The following ATF3 variants were observed in gnomAD, a reference collection of about 807,000 sequenced individuals.
ATF3 encodes the protein activating transcription factor 3, also known as cyclic AMP-dependent transcription factor ATF-3.
In ATF3, 10 loss-of-function variants were observed where a neutral mutation model predicts 18.4. The ratio of observed to expected loss-of-function variants is 0.54; its 90% CI spans 0.34 to 0.92. ATF3 has a LOEUF of 0.92. Among genes scored for constraint, ATF3 ranks in the 40% least tolerant of loss-of-function variants. The probability of loss-of-function intolerance (pLI) is 0.02; values close to 1 mark genes in which losing one functional copy is unlikely to be tolerated. For missense variants in ATF3, 183 were observed against 222.3 expected, an observed-to-expected ratio of 0.82 and a Z score of 1.12; for synonymous variants, 78 against 87.9, an observed-to-expected ratio of 0.89 and a Z score of 0.63.
intron 1 of ATF3, among the ~76,000 whole-genome samples, chr1:212,588,822 C>T (rs3106402): frequency 0.99 from 150,125 of 152,260 alleles, 74,017 homozygotes; most frequent in East Asian, 1. Flanking sequence ...TTGGACATTT[C>T]GAATTTTGCT....
intron 1 of ATF3, among the ~76,000 whole-genome samples, chr1:212,575,152 A>G (rs1333322784): frequency 6.6e-6 from 1 of 152,104 alleles, no homozygotes; most frequent in Non-Finnish European, 1.5e-5. Flanking sequence ...TAACATTTTT[A>G]TATTACTGAG....
intron 1 of ATF3, among the ~76,000 whole-genome samples, chr1:212,573,409 G>A (rs1664518928): frequency 6.6e-6 from 1 of 151,740 alleles, no homozygotes; most frequent in South Asian, 2.1e-4. Context: ...TATACTATTG[G>A]ATTTTAAAGA....
intron 1 of ATF3, among the ~76,000 whole-genome samples, chr1:212,578,934 T>C (rs950849513): frequency 2.0e-5 from 3 of 151,670 alleles, no homozygotes; most frequent in African/African-American, 7.3e-5. Context: ...ACCACCAGGC[T>C]GTGTCTGTGT....
chr1:212,571,070 A>G lies in ATF3; in HGVS notation c.-5+5587A>G, dbSNP rs538519923. 3.3e-5 allele frequency among the ~76,000 whole-genome samples: 5 copies of G among 152,348 alleles called. No homozygotes were observed. The South Asian group carries it at 1.0e-3, about 32-fold the overall frequency. Reference sequence around the variant, plus strand: ...TTCTCCAAAGGTGTTATACCATTGTACACTCCCACCAACAATGCATGAGAA... The same window carrying G: ...TTCTCCAAAGGTGTTATACCATTGTGCACTCCCACCAACAATGCATGAGAA... On this transcript the variant is annotated intron_variant, in intron 1 of 3. Transcript: ENST00000366981.
upstream of ATF3, among the ~76,000 whole-genome samples, chr1:212,607,750 C>G (rs1654681371): frequency 6.6e-6 from 1 of 152,242 alleles, no homozygotes; most frequent in African/African-American, 2.4e-5. Context: ...TTCGCGGACC[C>G]CAAAGCACCT....
chr1:212,598,115 C>T (rs1170672974), intron 1 of ATF3, among the ~76,000 whole-genome samples: 6 of 152,190 alleles, frequency 3.9e-5, no homozygotes, highest in South Asian at 2.1e-4. Context: ...TTAACACATC[C>T]GCACTATAGA....
At position 212,619,316 on chromosome 1, in the gene ATF3, C is replaced by A. The variant is rs369897861; in HGVS notation, c.349-42C>A. 1 of 1,612,200 alleles carries A rather than the reference C, an allele frequency of 6.2e-7. No individual in the cohort carries two copies. The highest frequency in any genetic ancestry group is 1.3e-5 in the African/African-American group (1 of 74,878). ...GCCCAGGCCACCCCCTCCTCACTGG[C>A]CCTTGGCTCCTTTCTTGATGCCTCT... On this transcript the variant is annotated intron_variant, in intron 3 of 3. Transcript: ENST00000341491. This position sits in a 1 kb window ranked among gnomAD's most constrained non-coding sequence, Gnocchi z 4.4.
intron 1 of ATF3, among the ~76,000 whole-genome samples, chr1:212,593,978 A>C (rs2102636255): frequency 6.6e-6 from 1 of 152,338 alleles, no homozygotes; most frequent in East Asian, 1.9e-4. Context: ...CCCTATTTCC[A>C]ATTAGTCCTT....
chr1:212,570,914 A>G (rs1003579227), intron 1 of ATF3, among the ~76,000 whole-genome samples: 1 of 152,242 alleles, frequency 6.6e-6, no homozygotes, highest in Non-Finnish European at 1.5e-5. Flanking sequence ...ATGAATAATG[A>G]AACTATGAAC....
chr1:212,594,097 A>G (rs1157756656), intron 1 of ATF3, among the ~76,000 whole-genome samples: 5 of 152,236 alleles, frequency 3.3e-5, no homozygotes, highest in African/African-American at 4.8e-5. Flanking sequence ...CTCCCAGAGC[A>G]TAAGTCTTCC....
intron 1 of ATF3, among the ~76,000 whole-genome samples, chr1:212,579,684 CA>C (rs1268785768): frequency 6.6e-6 from 1 of 152,184 alleles, no homozygotes; most frequent in East Asian, 1.9e-4. Flanking sequence ...GTCACGTAAT[CA>C]CCCTAAATCC....
chr1:212,575,041 T>C (rs984248314), intron 1 of ATF3, among the ~76,000 whole-genome samples: 3 of 152,134 alleles, frequency 2.0e-5, no homozygotes, highest in African/African-American at 7.2e-5. Flanking sequence ...AGATTTTTAA[T>C]ATGAAAATTT....
At chr1:212,583,823 G>A (rs1664729502) in intron 1 of ATF3, among the ~76,000 whole-genome samples, 1 of 152,192 alleles carries the variant, frequency 6.6e-6, no homozygotes, top group Non-Finnish European at 1.5e-5. Context: ...CTGGGCATCA[G>A]TTTCCTTTTT....
chr1:212,620,076 T>C lies in ATF3; in HGVS notation c.*521T>C. On this transcript the variant is annotated 3_prime_UTR_variant, in exon 4 of 4. Transcript: ENST00000341491. ...TTGTGTGTGCAAGAAAACTAGGCAA[T>C]GTACTCTTCCGATGTTTGTGTCACA... The C allele has an allele frequency of 5.5e-6, 1 of 180,854 alleles. No individual in the cohort carries two copies. The highest frequency in any genetic ancestry group is 5.4e-5 in the Admixed American group (1 of 18,586). The allele number at this position is 180,854 out of a possible 1,614,324, so 11.2% of individuals were successfully genotyped here. A position where few individuals can be genotyped will look rare whatever the true frequency, so the allele number is the denominator to read the frequency against.
Position 212,615,036 on chromosome 1 carries a change from C to G in ATF3, c.15C>G (p.His5Gln). ...CTTTCAGCAAAATGATGCTTCAACA[C>G]CCAGGCCAGGTCTCTGCCTCGGAAG... MMLQ[H>Q]PGQVSASEVS... The change falls in exon 2 of 4, where the codon CAC becomes CAG. Residue 5 changes from histidine (H) to glutamine (Q), a missense_variant. Physicochemically the swap from His to Gln is conservative, Grantham distance 24. Transcript: ENST00000341491. The G allele has an allele frequency of 6.2e-7, 1 of 1,614,194 alleles. No homozygotes were observed. The highest frequency in any genetic ancestry group is 1.7e-5 in the Admixed American group (1 of 60,024).
At chr1:212,607,686 T>C (rs928966753), upstream of ATF3, among the ~76,000 whole-genome samples, 1 of 152,220 alleles carries the variant, frequency 6.6e-6, no homozygotes, top group Non-Finnish European at 1.5e-5. Context: ...AAGCTGAACA[T>C]GGGTTTTCCC....
intron 2 of ATF3, among the ~76,000 whole-genome samples, chr1:212,616,967 A>G (rs766735684): frequency 4.8e-4 from 73 of 152,084 alleles, no homozygotes; most frequent in Middle Eastern, 3.2e-3. Context: ...CCCTGTGGAG[A>G]TGTCAAGCAG....
intron 1 of ATF3, among the ~76,000 whole-genome samples, chr1:212,598,028 C>A (rs1654361090): frequency 6.6e-6 from 1 of 152,086 alleles, no homozygotes; most frequent in Admixed American, 6.5e-5. Flanking sequence ...AAAAAGTAGG[C>A]AAATACACTC....
chr1:212,581,791 C>T (rs879582661), intron 1 of ATF3, among the ~76,000 whole-genome samples: 1 of 151,930 alleles, frequency 6.6e-6, no homozygotes, highest in Non-Finnish European at 1.5e-5. Flanking sequence ...AGCTTGCCAG[C>T]ATTTTGATAT....
Sources: allele counts gnomAD v4.1 joint callset (sites outside exome capture counted in the v4.1 genomes callset), GRCh38; gene constraint gnomAD v4.1.1; non-coding constraint Gnocchi (gnomAD v3.1); transcripts MANE v1.5; gene names NCBI Gene and HGNC (gene_info 2026-07-23, HGNC 2026-07-21).